LRP1B: variants seen among roughly 807,000 people sequenced by gnomAD.
LRP1B encodes the protein LDL receptor related protein 1B.
In LRP1B, 217 loss-of-function variants were observed where a neutral mutation model predicts 556.6. The observed-to-expected ratio is 0.39, with a 90% CI of 0.35 to 0.44. The LOEUF is 0.44. LRP1B is among the 20% of genes least tolerant of loss of function. LRP1B has a pLI of 1.00. For missense variants in LRP1B, 5,053 were observed against 5,620.8 expected (o/e 0.90, Z 3.23); for synonymous variants, 2,047 against 1,865.8 (o/e 1.10, Z -2.50).
intron 20 of LRP1B, among the ~76,000 whole-genome samples, chr2:140,947,039 G>A (rs1279501042): frequency 6.6e-6 from 1 of 152,168 alleles, no homozygotes; most frequent in Non-Finnish European, 1.5e-5. Context: ...ATGTGAGCAA[G>A]GGCTGAAACA....
chr2:140,553,977 T>C (rs770502347), intron 43 of LRP1B, among the ~76,000 whole-genome samples: 2 of 152,026 alleles, frequency 1.3e-5, no homozygotes, highest in African/African-American at 4.8e-5. Context: ...AGTTTTTCTA[T>C]GGGGAAGCCC....
At chr2:140,886,997 G>A (rs971710938) in intron 23 of LRP1B, among the ~76,000 whole-genome samples, 10 of 152,258 alleles carry the variant, frequency 6.6e-5, no homozygotes, top group African/African-American at 2.4e-4. Context: ...GTGCTTAAAA[G>A]AATGTTTCAG....
intron 2 of LRP1B, among the ~76,000 whole-genome samples, chr2:141,750,627 T>A (rs1308925499): frequency 6.6e-6 from 1 of 152,156 alleles, no homozygotes. Flanking sequence ...TTTCCTCTTC[T>A]TCTATTTGAT....
chr2:140,466,892 A>G (rs1687570543), intron 60 of LRP1B, among the ~76,000 whole-genome samples: 1 of 152,214 alleles, frequency 6.6e-6, no homozygotes. Context: ...AAAATATCTG[A>G]AGTTCAATGG....
intron 1 of LRP1B, among the ~76,000 whole-genome samples, chr2:141,888,903 C>T (rs1256699586): frequency 6.6e-6 from 1 of 152,104 alleles, no homozygotes; most frequent in South Asian, 2.1e-4. Flanking sequence ...GACGGCCAAC[C>T]AGCCAGGGAT....
At chr2:140,784,421 C>CACAAAA (rs1491135149) in intron 32 of LRP1B, among the ~76,000 whole-genome samples, 2 of 146,482 alleles carry the variant, frequency 1.4e-5, no homozygotes, top group African/African-American at 5.1e-5. Context: ...CACACACACA[C>CACAAAA]AAAAGGCTCA....
At chr2:141,260,599 A>G (rs140999525) in intron 3 of LRP1B, among the ~76,000 whole-genome samples, 41 of 152,290 alleles carry the variant, frequency 2.7e-4, no homozygotes, top group African/African-American at 9.4e-4. Flanking sequence ...ACTGTTTGCT[A>G]TCTTTTGTGT....
intron 60 of LRP1B, 55 bp from the exon 61 acceptor site, chr2:140,457,706 A>C (rs1687159925): frequency 5.8e-6 from 8 of 1,380,312 alleles, no homozygotes; most frequent in Non-Finnish European, 8.2e-6. Flanking sequence ...GCCAGTTAAA[A>C]TATTCAATAC....
At chr2:141,483,783 A>T (rs911500843) in intron 2 of LRP1B, among the ~76,000 whole-genome samples, 1 of 151,510 alleles carries the variant, frequency 6.6e-6, no homozygotes, top group Non-Finnish European at 1.5e-5. Context: ...GTCTGTTCAT[A>T]TCCTTTGCCC....
In LRP1B at chr2:140,718,595, G is replaced by A. The variant is rs543707822; in HGVS notation, c.5759-1779C>T. Among the ~76,000 whole-genome samples, 4 of 151,812 alleles carry A rather than the reference G, an allele frequency of 2.6e-5. No homozygotes were observed. The East Asian group carries it at 7.8e-4, about 30-fold the overall frequency. On this transcript the variant is annotated intron_variant, in intron 35 of 90. Coordinates refer to ENST00000389484, the MANE Select transcript of LRP1B (RefSeq NM_018557.3). ...AGATATACTTTTAAAATATAAATAA[G>A]TTAGAATGGAGAAATTCCCAAAGGA...
rs186871795 is a variant in LRP1B at position 141,747,715 on chromosome 2, G to A, written c.205+62564C>T. ...AAGACCTTGATAACATTGTGTTTGG[G>A]TAATAGGCAAGGAATGATTTATTTC... is the stretch of plus-strand genomic sequence containing the variant. On this transcript the variant is annotated intron_variant, in intron 2 of 90. Coordinates refer to ENST00000389484, the MANE Select transcript of LRP1B (RefSeq NM_018557.3). Among the ~76,000 whole-genome samples, 97 of 152,238 alleles carry A rather than the reference G, an allele frequency of 6.4e-4. 1 individual carries two copies. The highest frequency in any genetic ancestry group is 2.2e-3 in the African/African-American group (92 of 41,540).
chr2:141,034,478 C>T (rs4253568), intron 11 of LRP1B, among the ~76,000 whole-genome samples: 86,437 of 151,608 alleles, frequency 0.57, 25,031 homozygotes, highest in Non-Finnish European at 0.62. Context: ...AGGGCTAATA[C>T]CCAGAATCTA....
At chr2:141,207,984 A>G (rs1024060418) in intron 6 of LRP1B, 2 of 152,186 alleles carry the variant, frequency 1.3e-5, no homozygotes, top group African/African-American at 4.8e-5. Context: ...CTTGGGAAGC[A>G]TGATTTAAAA....
Position 140,509,957 on chromosome 2 carries a change from C to T in LRP1B, c.8369G>A (p.Gly2790Glu), listed in dbSNP as rs1359009593. 6.2e-7 allele frequency: 1 copy of T among 1,613,892 alleles called. No homozygotes were observed. Among genetic ancestry groups the T allele is most frequent in the Admixed American group, 1.7e-5 (1 of 59,992 alleles). The stretch of plus-strand genomic sequence containing the variant: ...GCCTGCTGTGGAAAGCTCATCGCTT[C>T]CATCTGGACAGTCCCTTTCACCATC... ...LCDGERDCPD[G>E]SDELSTAGCA... The change falls in exon 52 of 91, where the codon GGA (glycine) becomes GAA (glutamate). Residue 2790 changes from glycine (G) to glutamate (E), a missense_variant. Around this residue, in one of 5 missense-constraint regions of LRP1B, gnomAD observed 3,619 missense variants for 3,931.9 expected, o/e 0.92. Coordinates refer to ENST00000389484, the MANE Select transcript of LRP1B (RefSeq NM_018557.3).
chr2:141,866,874 T>G, intron 1 of LRP1B, among the ~76,000 whole-genome samples: 1 of 146,576 alleles, frequency 6.8e-6, no homozygotes, highest in Non-Finnish European at 1.5e-5. Flanking sequence ...AGGAAAGAAA[T>G]GAAGGGAAGG....
rs1680000731 is a variant in LRP1B, at chr2:140,538,203, A to G, written c.7514-1494T>C. ...ATTAATTTAGTAGAGGGTCTATCTAAGGCTTCTTTTTTATTTATTATGTCA... is the reference window on the plus strand; with the variant it reads ...ATTAATTTAGTAGAGGGTCTATCTAGGGCTTCTTTTTTATTTATTATGTCA... On this transcript the variant is annotated intron_variant, in intron 45 of 90. Coordinates refer to ENST00000389484, the MANE Select transcript of LRP1B (RefSeq NM_018557.3). 3.9e-5 allele frequency among the ~76,000 whole-genome samples: 6 copies of G among 152,112 alleles called. No individual in the cohort carries two copies. The South Asian group carries it at 1.2e-3, about 32-fold the overall frequency.
intron 31 of LRP1B, among the ~76,000 whole-genome samples, chr2:140,831,622 C>T (rs1303477048): frequency 6.6e-6 from 1 of 152,072 alleles, no homozygotes; most frequent in Non-Finnish European, 1.5e-5. Flanking sequence ...GCAATGATTC[C>T]TTGGCTAAAC....
At chr2:141,704,547 C>G (rs942215615) in intron 2 of LRP1B, among the ~76,000 whole-genome samples, 1 of 151,916 alleles carries the variant, frequency 6.6e-6, no homozygotes, top group Admixed American at 6.6e-5. Context: ...TTCTTGCTCC[C>G]CACTGCTCCC....
intron 39 of LRP1B, 65 bp downstream of exon 39, chr2:140,702,076 A>T (rs2105427677): frequency 1.3e-6 from 2 of 1,552,832 alleles, no homozygotes; most frequent in East Asian, 2.2e-5. Flanking sequence ...AAATCCTACA[A>T]GGGTAAAGCA....
Sources: gnomAD v4.1 joint callset for allele counts (sites outside exome capture counted in the v4.1 genomes callset) on GRCh38, gnomAD v4.1.1 for gene constraint, gnomAD v4.1.1 regional missense constraint, MANE v1.5 for transcripts, NCBI Gene and HGNC (gene_info 2026-07-23, HGNC 2026-07-21) for gene names.